PPP2R5A: variants seen among roughly 807,000 people sequenced by gnomAD.
The protein encoded by PPP2R5A is protein phosphatase 2 regulatory subunit B'alpha.
Under a neutral mutation model 64.2 loss-of-function variants are expected in PPP2R5A, and 25 were observed. The ratio of observed to expected loss-of-function variants is 0.39; its 90% CI spans 0.28 to 0.54. PPP2R5A has a LOEUF of 0.54. PPP2R5A is among the 20% of genes least tolerant of loss of function. The pLI, the probability that PPP2R5A is intolerant of heterozygous loss-of-function variation, is 0.67. For synonymous variants in PPP2R5A, 198 were observed against 201.2 expected (o/e 0.98, Z 0.13); for missense variants, 425 against 576.3 (o/e 0.74, Z 2.69).
At chr1:212,349,512 A>G (rs1428473796) in intron 8 of PPP2R5A, among the ~76,000 whole-genome samples, 2 of 152,126 alleles carry the variant, frequency 1.3e-5, no homozygotes, top group Non-Finnish European at 2.9e-5. Flanking sequence ...ACCACAGTGA[A>G]ATTTTATATG....
chr1:212,286,268 T>C lies in PPP2R5A; in HGVS notation c.158T>C (p.Leu53Pro). 6.5e-7 allele frequency: 1 copy of C among 1,532,428 alleles called. No individual in the cohort carries two copies. The highest frequency in any genetic ancestry group is 1.2e-5 in the South Asian group (1 of 82,926). The allele number at this position is 1,532,428 out of a possible 1,614,324, so 94.9% of individuals were successfully genotyped here. A position where few individuals can be genotyped will look rare whatever the true frequency, so the allele number is the denominator to read the frequency against. The change falls in exon 1 of 13, where the codon CTG becomes CCG. Residue 53 changes from leucine to proline, a missense_variant. Leu to Pro is a moderately conservative substitution (Grantham distance 98, BLOSUM62 -3). Around this residue, in one of 4 missense-constraint regions of PPP2R5A, gnomAD observed 104 missense variants for 95.7 expected, o/e 1.09. Transcript: ENST00000261461. ...QFRSQGSQAELHPLPQLKDAT... is the reference protein window; with the variant it reads ...QFRSQGSQAEPHPLPQLKDAT... Reference sequence around the variant, plus strand: ...CGCAGCCAGGGCAGCCAGGCAGAGCTGCACCCGCTGCCCCAGCTCAAAGGT... The same window carrying C: ...CGCAGCCAGGGCAGCCAGGCAGAGCCGCACCCGCTGCCCCAGCTCAAAGGT...
chr1:212,307,337 A>G (rs183088943), intron 1 of PPP2R5A, among the ~76,000 whole-genome samples: 2 of 151,630 alleles, frequency 1.3e-5, no homozygotes, highest in Admixed American at 6.6e-5. Flanking sequence ...AATTTATACA[A>G]GCTTTGTTCT....
At chr1:212,338,488 G>T (rs1013785305) in intron 3 of PPP2R5A, among the ~76,000 whole-genome samples, 1 of 151,974 alleles carries the variant, frequency 6.6e-6, no homozygotes, top group Admixed American at 6.6e-5. Context: ...AGTGGCTCAC[G>T]CCCACTTGTA....
intron 1 of PPP2R5A, among the ~76,000 whole-genome samples, chr1:212,304,296 A>C (rs1235735875): frequency 6.6e-6 from 1 of 152,130 alleles, no homozygotes; most frequent in African/African-American, 2.4e-5. Context: ...CTCTCCTATA[A>C]TGCCAGCACT....
intron 1 of PPP2R5A, among the ~76,000 whole-genome samples, chr1:212,310,151 G>A (rs953727240): frequency 3.9e-5 from 6 of 152,146 alleles, no homozygotes; most frequent in African/African-American, 1.4e-4. Flanking sequence ...TCAGCTGATT[G>A]CTCAATTGTT....
At chr1:212,353,907 G>C (rs545555958) in intron 8 of PPP2R5A, among the ~76,000 whole-genome samples, 15 of 152,218 alleles carry the variant, frequency 9.9e-5, no homozygotes, top group Middle Eastern at 3.4e-3. Context: ...GCTACGGGCC[G>C]GGCGCTGTGG....
intron 1 of PPP2R5A, among the ~76,000 whole-genome samples, chr1:212,305,086 G>C (rs1187936381): frequency 7.0e-6 from 1 of 143,286 alleles, no homozygotes; most frequent in Non-Finnish European, 1.5e-5. Flanking sequence ...TGTCAGGCTG[G>C]AGTGCAGTGG....
chr1:212,357,690 C>T (rs1303988270), intron 11 of PPP2R5A, among the ~76,000 whole-genome samples: 1 of 151,526 alleles, frequency 6.6e-6, no homozygotes, highest in Non-Finnish European at 1.5e-5. Context: ...GTGGTCCCAT[C>T]TACTCGGGAG....
chr1:212,359,106 C>T (rs1660036005), intron 12 of PPP2R5A, among the ~76,000 whole-genome samples: 1 of 152,188 alleles, frequency 6.6e-6, no homozygotes, highest in Non-Finnish European at 1.5e-5. Flanking sequence ...CATTCTGAGC[C>T]TTAGATTTCC....
chr1:212,346,341 C>A (rs553749423), intron 5 of PPP2R5A, among the ~76,000 whole-genome samples: 165 of 151,744 alleles, frequency 1.1e-3, no homozygotes, highest in African/African-American at 3.7e-3. Flanking sequence ...CTCAAGCAGT[C>A]CTCTTATATG....
chr1:212,360,063 A>T (rs1472836518), intron 12 of PPP2R5A, among the ~76,000 whole-genome samples: 3 of 152,216 alleles, frequency 2.0e-5, no homozygotes, highest in Non-Finnish European at 2.9e-5. Flanking sequence ...TTTTCCTTAG[A>T]ACTGAAATTA....
intron 1 of PPP2R5A, among the ~76,000 whole-genome samples, chr1:212,321,128 C>T (rs1474407905): frequency 1.4e-5 from 2 of 140,204 alleles, no homozygotes; most frequent in African/African-American, 2.7e-5. Context: ...CCTCTCTTCC[C>T]AGTAGGGGCG....
intron 1 of PPP2R5A, among the ~76,000 whole-genome samples, chr1:212,325,550 C>T (rs904370477): frequency 6.6e-6 from 1 of 151,824 alleles, no homozygotes; most frequent in Admixed American, 6.6e-5. Context: ...TTACTATTAG[C>T]GTTAGGGAAA....
At chr1:212,312,488 TGA>T (rs1300472567) in intron 1 of PPP2R5A, among the ~76,000 whole-genome samples, 1 of 152,208 alleles carries the variant, frequency 6.6e-6, no homozygotes, top group Non-Finnish European at 1.5e-5. Context: ...GTTTCCCTGG[TGA>T]GTAGGCCTGT....
At chr1:212,322,181 A>G (rs1183954819) in intron 1 of PPP2R5A, among the ~76,000 whole-genome samples, 7 of 140,556 alleles carry the variant, frequency 5.0e-5, no homozygotes, top group Non-Finnish European at 1.1e-4. Flanking sequence ...GACCGTGGAA[A>G]GAGAGGGAGA....
In PPP2R5A at chr1:212,290,008, G is replaced by A. The variant is rs543765902; in HGVS notation, c.181+3717G>A. Among the ~76,000 whole-genome samples the A allele has an allele frequency of 7.9e-5, 12 of 152,292 alleles. No homozygotes were observed. In the East Asian group the frequency reaches 2.3e-3, roughly 29 times the overall value. On this transcript the variant is annotated intron_variant, in intron 1 of 12. Coordinates refer to ENST00000261461, the MANE Select transcript of PPP2R5A (RefSeq NM_006243.4). ...ACCTAACCAGTAGAATTATATAGAT[G>A]TGCAGTCATCTTAGGAGACAGCCGG...
chr1:212,286,102 G>A lies in PPP2R5A; in HGVS notation c.-9G>A, dbSNP rs369850236. ...GCAGCCGGAGCTGCCAAGCGTCAGG[G>A]CCGCGGAGATGTCGTCGTCGTCGCC... On this transcript the variant is annotated 5_prime_UTR_variant, in exon 1 of 13. Coordinates refer to ENST00000261461, the MANE Select transcript of PPP2R5A (RefSeq NM_006243.4). The A allele has an allele frequency of 7.9e-5, 123 of 1,556,842 alleles. 3 individuals are homozygous for A. Among genetic ancestry groups the A allele is most frequent in the East Asian group, 3.6e-4 (15 of 41,334 alleles).
chr1:212,321,151 GC>G (rs1659278837), intron 1 of PPP2R5A, among the ~76,000 whole-genome samples: 1 of 142,800 alleles, frequency 7.0e-6, no homozygotes, highest in African/African-American at 2.7e-5. Context: ...CGGCAGAGGC[GC>G]CCCTCACCTC....
chr1:212,350,839 A>G (rs1484128548), intron 8 of PPP2R5A, among the ~76,000 whole-genome samples: 1 of 151,756 alleles, frequency 6.6e-6, no homozygotes, highest in Non-Finnish European at 1.5e-5. Flanking sequence ...ATTTATTTTT[A>G]AAGAATGGAA....
Sources: gnomAD v4.1 joint callset for allele counts (sites outside exome capture counted in the v4.1 genomes callset) on GRCh38, gnomAD v4.1.1 for gene constraint, gnomAD v4.1.1 regional missense constraint, MANE v1.5 for transcripts, NCBI Gene and HGNC (gene_info 2026-07-23, HGNC 2026-07-21) for gene names.